Variants in LINGO2 observed in about 807,000 individuals in gnomAD.
LINGO2 encodes the protein leucine-rich repeat and immunoglobulin-like domain-containing nogo receptor-interacting protein 2.
Under a neutral mutation model 30.6 loss-of-function variants are expected in LINGO2, and 14 were observed. That is an observed-to-expected ratio of 0.46 (90% CI 0.30 to 0.72). LINGO2 has a LOEUF of 0.72. Ranked by LOEUF, LINGO2 falls within the 30% of genes least tolerant of loss-of-function variation. LINGO2 has a pLI of 0.07. For missense variants in LINGO2, 729 were observed against 751.7 expected, an observed-to-expected ratio of 0.97 and a Z score of 0.35; for synonymous variants, 317 against 288.5, an observed-to-expected ratio of 1.10 and a Z score of -1.00.
At chr9:29,022,743 C>G in the LINGO2 span, among the ~76,000 whole-genome samples, 22 of 152,238 alleles carry the variant, frequency 1.4e-4, 1 homozygote, top group South Asian at 4.6e-3. Flanking sequence ...GACATGTTCT[C>G]CTAAGCAAAG....
the LINGO2 span, among the ~76,000 whole-genome samples, chr9:28,913,237 A>G: frequency 6.6e-6 from 1 of 152,062 alleles, no homozygotes; most frequent in African/African-American, 2.4e-5. Context: ...TTATTATAAC[A>G]TGTGATGTAG....
chr9:28,520,158 C>T lies in LINGO2; in HGVS notation c.-364-44133G>A, dbSNP rs367830526. ...TTTACCTTAGCCTTAATTCTTATGCCGCTTTTGTGTTCCTTTTACATTAGC... is the reference window on the plus strand; with the variant it reads ...TTTACCTTAGCCTTAATTCTTATGCTGCTTTTGTGTTCCTTTTACATTAGC... On this transcript the variant is annotated intron_variant, in intron 1 of 5. Transcript: ENST00000379992. 5.3e-5 allele frequency among the ~76,000 whole-genome samples: 8 copies of T among 152,152 alleles called. No individual in the cohort carries two copies. In the East Asian group the frequency reaches 1.2e-3, roughly 22 times the overall value.
At chr9:28,679,048 G>T in the LINGO2 span, among the ~76,000 whole-genome samples, 1 of 152,012 alleles carries the variant, frequency 6.6e-6, no homozygotes, top group Non-Finnish European at 1.5e-5. Flanking sequence ...TGGATCTAGG[G>T]AAAATTTTGA....
chr9:28,906,344 T>C, the LINGO2 span, among the ~76,000 whole-genome samples: 1 of 151,982 alleles, frequency 6.6e-6, no homozygotes, highest in Non-Finnish European at 1.5e-5. Flanking sequence ...ATATATGTGA[T>C]AATTAGCTCA....
At chr9:29,100,758 GAGAC>G in the LINGO2 span, among the ~76,000 whole-genome samples, 1 of 152,112 alleles carries the variant, frequency 6.6e-6, no homozygotes, top group African/African-American at 2.4e-5. Flanking sequence ...CATGCTTGAG[GAGAC>G]AGACACTCTT....
the LINGO2 span, among the ~76,000 whole-genome samples, chr9:28,782,339 GT>G: frequency 6.6e-6 from 1 of 152,164 alleles, no homozygotes; most frequent in East Asian, 1.9e-4. Flanking sequence ...CAAAATGTCA[GT>G]GCCTTCCTCC....
At chr9:28,396,636 G>A (rs902736181) in intron 2 of LINGO2, among the ~76,000 whole-genome samples, 2 of 141,596 alleles carry the variant, frequency 1.4e-5, no homozygotes, top group African/African-American at 2.6e-5. Flanking sequence ...CCCGGGAGGC[G>A]GAGCTTGCAG....
At chr9:28,800,172 G>C in the LINGO2 span, among the ~76,000 whole-genome samples, 1 of 151,934 alleles carries the variant, frequency 6.6e-6, no homozygotes, top group African/African-American at 2.4e-5. Flanking sequence ...TATCAACATA[G>C]GTTCCTCGTT....
intron 1 of LINGO2, among the ~76,000 whole-genome samples, chr9:28,499,596 A>G (rs982085853): frequency 6.6e-6 from 1 of 152,182 alleles, no homozygotes; most frequent in African/African-American, 2.4e-5. Context: ...AAGTTACTCA[A>G]TTTTACTAAT....
the LINGO2 span, among the ~76,000 whole-genome samples, chr9:29,124,934 T>C: frequency 2.6e-5 from 4 of 152,120 alleles, no homozygotes; most frequent in Non-Finnish European, 5.9e-5. Context: ...TGATTATAAA[T>C]CATTCTACTA....
At chr9:28,230,086 ATAAC>A (rs1431322744) in intron 4 of LINGO2, among the ~76,000 whole-genome samples, 1 of 151,874 alleles carries the variant, frequency 6.6e-6, no homozygotes, top group Non-Finnish European at 1.5e-5. Context: ...AAAAATTAAA[ATAAC>A]TATCAACGTC....
chr9:28,590,691 C>G (rs1030845589), intron 1 of LINGO2, among the ~76,000 whole-genome samples: 34 of 152,086 alleles, frequency 2.2e-4, no homozygotes, highest in Non-Finnish European at 3.2e-4. Context: ...GAAATAGGAA[C>G]ACTTTTACAC....
At chr9:28,628,502 T>C (rs10511828) in intron 1 of LINGO2, among the ~76,000 whole-genome samples, 14,991 of 152,116 alleles carry the variant, frequency 0.099, 1,032 homozygotes, top group Admixed American at 0.24. Context: ...TCCTCAGTAC[T>C]TTATACTTTG....
At chr9:29,189,534 GAGGCCAGGCAGAGACGC>G in the LINGO2 span, among the ~76,000 whole-genome samples, 6 of 151,732 alleles carry the variant, frequency 4.0e-5, no homozygotes. Flanking sequence ...CAGACGATGG[GAGGCCAGGCAGAGACGC>G]TCCTCACTTC....
the LINGO2 span, among the ~76,000 whole-genome samples, chr9:28,726,197 C>G: frequency 6.6e-6 from 1 of 151,952 alleles, no homozygotes; most frequent in South Asian, 2.1e-4. Context: ...TTTAAGAGCT[C>G]TATGTGTGAG....
the LINGO2 span, among the ~76,000 whole-genome samples, chr9:29,087,107 C>G: frequency 6.6e-6 from 1 of 152,094 alleles, no homozygotes; most frequent in South Asian, 2.1e-4. Flanking sequence ...GAATTCCTGA[C>G]CTCAGGTGAT....
At chr9:29,154,919 A>G in the LINGO2 span, among the ~76,000 whole-genome samples, 2 of 152,170 alleles carry the variant, frequency 1.3e-5, no homozygotes, top group Non-Finnish European at 1.5e-5. Flanking sequence ...CTCAGACTCT[A>G]CAGTCCCACT....
chr9:28,337,864 CA>C (rs112855658), intron 3 of LINGO2, among the ~76,000 whole-genome samples: 2,198 of 152,186 alleles, frequency 0.014, 51 homozygotes, highest in African/African-American at 0.051. Flanking sequence ...AAGTTTGCTG[CA>C]GGGGTGGGGC....
intron 1 of LINGO2, among the ~76,000 whole-genome samples, chr9:28,495,257 T>C (rs1421472849): frequency 1.3e-5 from 2 of 152,200 alleles, no homozygotes; most frequent in Admixed American, 6.5e-5. Context: ...TTTGTTGCCA[T>C]TGCTTTTGGT....
Sources: gnomAD v4.1 joint callset for allele counts (sites outside exome capture counted in the v4.1 genomes callset) on GRCh38, gnomAD v4.1.1 for gene constraint, MANE v1.5 for transcripts, NCBI Gene and HGNC (gene_info 2026-07-23, HGNC 2026-07-21) for gene names.